The following ATP11C variants were observed in gnomAD, a reference collection of about 807,000 sequenced individuals.
ATP11C encodes the protein ATPase phospholipid transporting 11C (ATP11C blood group).
Under a neutral mutation model 97.4 loss-of-function variants are expected in ATP11C, and 36 were observed. That is an observed-to-expected ratio of 0.37 (90% CI 0.28 to 0.49). The LOEUF (loss-of-function observed/expected upper bound fraction) is 0.49, where lower values mean the gene tolerates loss of function less well. ATP11C is among the 20% of genes least tolerant of loss of function. ATP11C has a pLI of 0.98. For synonymous variants in ATP11C, 275 were observed against 290.9 expected (o/e 0.95, Z 0.56); for missense variants, 730 against 824.6 (o/e 0.89, Z 1.40).
chrX:139,799,028 C>T (rs1472907223), intron 8 of ATP11C, among the ~76,000 whole-genome samples: 7 of 111,035 alleles, frequency 6.3e-5, no homozygotes, highest in East Asian at 5.7e-4. Flanking sequence ...GATAGCAAGA[C>T]GAGAACAGAA....
intron 12 of ATP11C, 92 bp from the exon 13 acceptor site, chrX:139,789,580 G>A: frequency 1.5e-6 from 1 of 661,653 alleles, no homozygotes; most frequent in East Asian, 3.5e-5. Context: ...ATATCCATAG[G>A]AAATCACCCC....
intron 1 of ATP11C, among the ~76,000 whole-genome samples, chrX:139,892,045 T>G (rs888897103): frequency 9.0e-6 from 1 of 111,118 alleles, no homozygotes; most frequent in Admixed American, 9.7e-5. Flanking sequence ...TTAGTAGAGA[T>G]GGGATTTCAC....
chrX:139,768,131 C>G (rs748637404), intron 20 of ATP11C, 129 bp downstream of exon 20: 2 of 437,314 alleles, frequency 4.6e-6, no homozygotes, highest in South Asian at 2.9e-4. Context: ...AAGAAAGAAG[C>G]CTTGGAGGAA....
chrX:139,871,364 C>T (rs1462595942), intron 1 of ATP11C, among the ~76,000 whole-genome samples: 1 of 107,259 alleles, frequency 9.3e-6, no homozygotes, highest in African/African-American at 3.4e-5. Flanking sequence ...TGCGCCACCA[C>T]GCCCAGCTAA....
rs1440258733 is a variant in ATP11C at position 139,829,211 on chromosome X, A to C, written c.28-2388T>G. On this transcript the variant is annotated intron_variant, in intron 1 of 29. Transcript: ENST00000682941. Reference sequence around the variant, plus strand: ...TAGCATTTTACAGTCTCTTTACCCTAAACAGGTTTGGGTTGAGACGTGCCT... The same window carrying C: ...TAGCATTTTACAGTCTCTTTACCCTCAACAGGTTTGGGTTGAGACGTGCCT... 3.6e-5 allele frequency among the ~76,000 whole-genome samples: 4 copies of C among 111,277 alleles called. No homozygotes were observed. In the East Asian group the frequency reaches 1.1e-3, roughly 31 times the overall value.
intron 18 of ATP11C, among the ~76,000 whole-genome samples, chrX:139,779,436 C>G (rs1176274225): frequency 8.9e-6 from 1 of 112,002 alleles, no homozygotes; most frequent in Non-Finnish European, 1.9e-5. Context: ...GGGGAACTCT[C>G]AAGACCACAT....
chrX:139,818,095 C>T (rs962831172), intron 3 of ATP11C, among the ~76,000 whole-genome samples: 21 of 111,622 alleles, frequency 1.9e-4, no homozygotes, highest in Admixed American at 7.7e-4. Context: ...GTTCAGCATT[C>T]TCCACCAAGT....
At chrX:139,753,006 T>C (rs780570596) in intron 23 of ATP11C, among the ~76,000 whole-genome samples, 1 of 111,605 alleles carries the variant, frequency 9.0e-6, no homozygotes, top group South Asian at 3.8e-4. Flanking sequence ...ATGCATTCTC[T>C]TAAAAATACT....
intron 1 of ATP11C, among the ~76,000 whole-genome samples, chrX:139,845,203 C>T (rs1224924510): frequency 9.0e-6 from 1 of 111,144 alleles, no homozygotes; most frequent in Non-Finnish European, 1.9e-5. Flanking sequence ...AACAGGCTTC[C>T]AGCTAGTGCC....
At chrX:139,893,166 G>A (rs1603413044) in intron 1 of ATP11C, among the ~76,000 whole-genome samples, 1 of 111,792 alleles carries the variant, frequency 8.9e-6, no homozygotes, top group Non-Finnish European at 1.9e-5. Flanking sequence ...AGCCTCTCGA[G>A]CAGCTGGGAC....
intron 28 of ATP11C, 38 bp downstream of exon 28, chrX:139,737,878 T>C (rs1291813656): frequency 8.4e-7 from 1 of 1,187,879 alleles, no homozygotes; most frequent in South Asian, 1.8e-5. Flanking sequence ...TTGAGGCCCC[T>C]TCCAAAAATC....
At chrX:139,892,054 A>C (rs191876638) in intron 1 of ATP11C, among the ~76,000 whole-genome samples, 1 of 110,810 alleles carries the variant, frequency 9.0e-6, no homozygotes, top group Admixed American at 9.7e-5. Context: ...ATGGGATTTC[A>C]CCTTATTGGC....
intron 1 of ATP11C, among the ~76,000 whole-genome samples, chrX:139,870,332 C>T (rs921927847): frequency 1.8e-5 from 2 of 112,144 alleles, no homozygotes; most frequent in African/African-American, 3.2e-5. Flanking sequence ...AATATTTACA[C>T]GTATGTTTAG....
intron 1 of ATP11C, among the ~76,000 whole-genome samples, chrX:139,917,193 T>C (rs1381253235): frequency 8.9e-6 from 1 of 111,777 alleles, no homozygotes; most frequent in Admixed American, 9.5e-5. Flanking sequence ...GTAAGACTTA[T>C]AAACTATCAA....
intron 1 of ATP11C, among the ~76,000 whole-genome samples, chrX:139,839,886 C>T (rs2083802270): frequency 9.0e-6 from 1 of 111,012 alleles, no homozygotes; most frequent in African/African-American, 3.3e-5. Context: ...CCAGGTAAGC[C>T]GGAGGACCCT....
At chrX:139,827,462 T>C (rs968832684) in intron 1 of ATP11C, among the ~76,000 whole-genome samples, 1 of 111,911 alleles carries the variant, frequency 8.9e-6, no homozygotes, top group Admixed American at 9.5e-5. Context: ...ATGCCCCTTT[T>C]ACATTTTTAA....
chrX:139,894,706 T>C lies in ATP11C; in HGVS notation c.27+37310A>G, dbSNP rs762483378. ...ATATCCCAATTACTGATTTGATCAT[T>C]ACACATTTTATGAATGTATCAAAAT... On this transcript the variant is annotated intron_variant, in intron 1 of 29. Coordinates refer to ENST00000682941, the MANE Select transcript of ATP11C (RefSeq NM_001353812.2). 3.6e-5 allele frequency among the ~76,000 whole-genome samples: 4 copies of C among 112,314 alleles called. No homozygotes were observed. In the South Asian group the frequency reaches 1.5e-3, roughly 42 times the overall value.
chrX:139,894,849 T>C (rs753092766), intron 1 of ATP11C, among the ~76,000 whole-genome samples: 2 of 111,571 alleles, frequency 1.8e-5, no homozygotes, highest in South Asian at 7.5e-4. Flanking sequence ...TAAAATCACA[T>C]TCTTCGAGAC....
intron 1 of ATP11C, among the ~76,000 whole-genome samples, chrX:139,828,785 A>T (rs1165909281): frequency 8.9e-6 from 1 of 111,873 alleles, no homozygotes; most frequent in Non-Finnish European, 1.9e-5. Flanking sequence ...TGTGCTGTCA[A>T]TATAGATTTT....
Sources: allele counts gnomAD v4.1 joint callset (sites outside exome capture counted in the v4.1 genomes callset), GRCh38; gene constraint gnomAD v4.1.1; transcripts MANE v1.5; gene names NCBI Gene and HGNC (gene_info 2026-07-23, HGNC 2026-07-21).